KANSL1: variants seen among roughly 807,000 people sequenced by gnomAD.
KANSL1 encodes the protein MLL1/MLL complex subunit KANSL1.
Under a neutral mutation model 103.6 loss-of-function variants are expected in KANSL1, and 22 were observed. The ratio of observed to expected loss-of-function variants is 0.21; its 90% CI spans 0.15 to 0.30. The LOEUF is 0.30. Ranked by LOEUF, KANSL1 falls within the 10% of genes least tolerant of loss-of-function variation. The pLI is 1.00. For missense variants in KANSL1, 1,337 were observed against 1,399.8 expected, an observed-to-expected ratio of 0.96 and a Z score of 0.72; for synonymous variants, 600 against 527.6, an observed-to-expected ratio of 1.14 and a Z score of -1.88.
chr17:46,194,388 A>C (rs1275238048), upstream of KANSL1, among the ~76,000 whole-genome samples: 1 of 152,282 alleles, frequency 6.6e-6, no homozygotes, highest in Non-Finnish European at 1.5e-5. Flanking sequence ...CCACCTCGTT[A>C]CCAGAGTTGG....
intron 2 of KANSL1, among the ~76,000 whole-genome samples, chr17:46,111,338 A>G (rs921357646): frequency 6.6e-6 from 1 of 152,186 alleles, no homozygotes; most frequent in African/African-American, 2.4e-5. Flanking sequence ...CCTCGCAGGT[A>G]GCTAGGACTA....
rs1235820370 is a variant in KANSL1 at position 46,039,845 on chromosome 17, G to A, written c.2060C>T (p.Ser687Phe). 6.2e-7 allele frequency: 1 copy of A among 1,614,082 alleles called. No individual in the cohort carries two copies. Among genetic ancestry groups the A allele is most frequent in the Non-Finnish European group, 8.5e-7 (1 of 1,180,034 alleles). ...TSLHFQSMLKSQWQNKPFDKI... is the reference protein window; with the variant it reads ...TSLHFQSMLKFQWQNKPFDKI... Reference sequence around the variant, plus strand: ...GTCAAAAGGCTTGTTCTGCCACTGAGATTTCAGCATGCTCTGGAAATGCAG... The same window carrying A: ...GTCAAAAGGCTTGTTCTGCCACTGAAATTTCAGCATGCTCTGGAAATGCAG... Residue 687 changes from serine to phenylalanine, a missense_variant, in exon 8 of 15, where the codon TCT becomes TTT. By Grantham distance (155) the Ser-to-Phe change is radical. Around this residue, in one of 2 missense-constraint regions of KANSL1, gnomAD observed 780 missense variants for 923.4 expected, o/e 0.84. Coordinates refer to ENST00000432791, the MANE Select transcript of KANSL1 (RefSeq NM_015443.4).
intron 14 of KANSL1, 128 bp downstream of exon 14, chr17:46,031,919 A>G (rs2146304113): frequency 7.4e-7 from 1 of 1,344,506 alleles, no homozygotes; most frequent in Non-Finnish European, 1.0e-6. Flanking sequence ...GAGGAGATCA[A>G]TTTAAGTGCA....
At chr17:46,162,403 G>A (rs1164890387) in intron 2 of KANSL1, among the ~76,000 whole-genome samples, 5 of 152,098 alleles carry the variant, frequency 3.3e-5, no homozygotes, top group Non-Finnish European at 7.3e-5. Context: ...GAGCCTAATC[G>A]GGGGCTCTAC....
At chr17:46,180,805 G>C (rs1368534401) in intron 1 of KANSL1, among the ~76,000 whole-genome samples, 1 of 152,174 alleles carries the variant, frequency 6.6e-6, no homozygotes, top group Non-Finnish European at 1.5e-5. Flanking sequence ...TTTGAGACCA[G>C]CCTGGTCAAC....
At chr17:46,169,086 C>T (rs1307533001) in intron 2 of KANSL1, among the ~76,000 whole-genome samples, 1 of 152,192 alleles carries the variant, frequency 6.6e-6, no homozygotes, top group African/African-American at 2.4e-5. Context: ...TAAGTGCATG[C>T]AATTTAAAAT....
chr17:46,059,906 C>T (rs2078097269), intron 6 of KANSL1, among the ~76,000 whole-genome samples: 2 of 152,114 alleles, frequency 1.3e-5, no homozygotes, highest in South Asian at 4.2e-4. Context: ...TGCACTCCAG[C>T]CTGGCGACAG....
intron 2 of KANSL1, among the ~76,000 whole-genome samples, chr17:46,130,101 A>G (rs963656345): frequency 2.0e-5 from 3 of 150,322 alleles, no homozygotes; most frequent in South Asian, 2.1e-4. Flanking sequence ...CGGGAGAATC[A>G]CTTGTGCCCA....
At chr17:46,092,727 G>GGGT (rs2079453371) in intron 3 of KANSL1, 1 of 105,356 alleles carries the variant, frequency 9.5e-6, no homozygotes, top group Non-Finnish European at 1.9e-5. Context: ...GGGGGGGGGG[G>GGGT]GGAGGGTGGG....
At chr17:46,053,770 G>A (rs747813968) in intron 6 of KANSL1, among the ~76,000 whole-genome samples, 3 of 152,028 alleles carry the variant, frequency 2.0e-5, no homozygotes, top group African/African-American at 4.8e-5. Context: ...GATACATTTT[G>A]GAAAATTTTT....
At chr17:46,193,658 GC>G, upstream of KANSL1, 1 of 312,638 alleles carries the variant, frequency 3.2e-6, no homozygotes, top group South Asian at 2.2e-5. Flanking sequence ...AGGCCGCGGC[GC>G]CCGGCCCCAG....
At chr17:46,177,809 G>A (rs957392208) in intron 1 of KANSL1, among the ~76,000 whole-genome samples, 3 of 150,920 alleles carry the variant, frequency 2.0e-5, no homozygotes, top group Admixed American at 6.6e-5. Context: ...ATGGAGTCTC[G>A]CTCTGTCACC....
At chr17:46,173,915 C>A (rs1466139692) in intron 1 of KANSL1, among the ~76,000 whole-genome samples, 2 of 152,346 alleles carry the variant, frequency 1.3e-5, no homozygotes, top group Middle Eastern at 3.4e-3. Context: ...AAGCACAGTA[C>A]AACTGAGTTG....
At chr17:46,083,800 A>G (rs567466393) in intron 3 of KANSL1, among the ~76,000 whole-genome samples, 6 of 152,258 alleles carry the variant, frequency 3.9e-5, no homozygotes, top group Non-Finnish European at 5.9e-5. Flanking sequence ...AGAACATCCT[A>G]AAGTATAGAT....
At chr17:46,213,229 A>G (rs2048218529) in intron 1 of KANSL1, among the ~76,000 whole-genome samples, 1 of 152,250 alleles carries the variant, frequency 6.6e-6, no homozygotes, top group Non-Finnish European at 1.5e-5. Flanking sequence ...GTGTATCTAA[A>G]CTCATACTTA....
In KANSL1 at chr17:46,124,059, A is replaced by G. The variant is rs149393222; in HGVS notation, c.1290-29358T>C. ...AATGCAGCTGGTGATTTTAAGGTGA[A>G]GGCCAATGCTCCTTGACCATTCTGA... On this transcript the variant is annotated intron_variant, in intron 2 of 14. Transcript: ENST00000432791. Among the ~76,000 whole-genome samples the G allele has an allele frequency of 3.3e-5, 5 of 152,314 alleles. No homozygotes were observed. The East Asian group carries it at 9.6e-4, about 29-fold the overall frequency.
intron 4 of KANSL1, among the ~76,000 whole-genome samples, chr17:46,072,676 T>C (rs74850776): frequency 0.14 from 21,796 of 152,210 alleles, 2,132 homozygotes; most frequent in Non-Finnish European, 0.22. Flanking sequence ...TGGAATGTTC[T>C]GAAAATTCCA....
Position 46,130,234 on chromosome 17 carries a change from A to C in KANSL1, c.1290-35533T>G, listed in dbSNP as rs529711536. Among the ~76,000 whole-genome samples, 33 of 151,840 alleles carry C rather than the reference A, an allele frequency of 2.2e-4. No individual in the cohort carries two copies. In the South Asian group the frequency reaches 6.4e-3, roughly 30 times the overall value. ...GGAATCAACTAGGGAGGCTTTTAAA[A>C]CATGAATGCTGGAGACCCACACCAG... On this transcript the variant is annotated intron_variant, in intron 2 of 14. Coordinates refer to ENST00000432791, the MANE Select transcript of KANSL1 (RefSeq NM_015443.4).
At chr17:46,154,854 A>G (rs1011439854) in intron 2 of KANSL1, among the ~76,000 whole-genome samples, 3 of 152,146 alleles carry the variant, frequency 2.0e-5, no homozygotes, top group Non-Finnish European at 4.4e-5. Context: ...TTATTATTTT[A>G]TGATTATTTT....
Sources: allele counts gnomAD v4.1 joint callset (sites outside exome capture counted in the v4.1 genomes callset), GRCh38; gene constraint gnomAD v4.1.1; regional missense constraint gnomAD v4.1.1; transcripts MANE v1.5; gene names NCBI Gene and HGNC (gene_info 2026-07-23, HGNC 2026-07-21).